Variants in PTPRD observed in about 807,000 individuals in gnomAD.
PTPRD encodes protein tyrosine phosphatase receptor type D, also known as receptor-type tyrosine-protein phosphatase delta.
Under a neutral mutation model 214.5 loss-of-function variants are expected in PTPRD, and 34 were observed. The ratio of observed to expected loss-of-function variants is 0.16; its 90% CI spans 0.12 to 0.21. PTPRD has a LOEUF of 0.21. Among genes scored for constraint, PTPRD ranks in the 10% least tolerant of loss-of-function variants. PTPRD has a pLI of 1.00. For synonymous variants in PTPRD, 1,128 were observed against 845.7 expected (o/e 1.33, Z -5.79); for missense variants, 2,545 against 2,398.7 (o/e 1.06, Z -1.27).
chr9:8,791,859 A>T (rs1267342049), intron 11 of PTPRD, among the ~76,000 whole-genome samples: 1 of 152,114 alleles, frequency 6.6e-6, no homozygotes, highest in Non-Finnish European at 1.5e-5. Context: ...AAAATGATCA[A>T]ATCAAAATGC....
chr9:8,972,865 A>C (rs528023595), intron 11 of PTPRD, among the ~76,000 whole-genome samples: 2 of 152,132 alleles, frequency 1.3e-5, no homozygotes, highest in South Asian at 4.1e-4. Flanking sequence ...ACAACATTCA[A>C]CTAGGAAACA....
At chr9:8,500,219 T>C (rs1174747366) in intron 24 of PTPRD, among the ~76,000 whole-genome samples, 1 of 151,964 alleles carries the variant, frequency 6.6e-6, no homozygotes, top group African/African-American at 2.4e-5. Flanking sequence ...TTGTGTGTTT[T>C]TTAAAGGTTT....
intron 5 of PTPRD, among the ~76,000 whole-genome samples, chr9:9,889,014 G>C (rs1457748739): frequency 6.6e-6 from 1 of 152,054 alleles, no homozygotes; most frequent in African/African-American, 2.4e-5. Flanking sequence ...AATAAGCTAG[G>C]TACAGAAAGA....
intron 33 of PTPRD, chr9:8,451,993 T>C (rs940680291): frequency 2.8e-6 from 1 of 351,478 alleles, no homozygotes; most frequent in Admixed American, 4.0e-5. Flanking sequence ...TCTAAAGTAA[T>C]TTAGCCCATT....
At chr9:9,997,759 G>A (rs1051787790) in intron 4 of PTPRD, among the ~76,000 whole-genome samples, 6 of 152,050 alleles carry the variant, frequency 3.9e-5, no homozygotes, top group African/African-American at 1.4e-4. Flanking sequence ...ATATGCTAAT[G>A]TGGGTGATTA....
At chr9:8,673,893 C>T (rs942008061) in intron 12 of PTPRD, among the ~76,000 whole-genome samples, 1 of 152,066 alleles carries the variant, frequency 6.6e-6, no homozygotes, top group East Asian at 1.9e-4. Context: ...TCAGCAGCAC[C>T]CCTGACACCC....
At chr9:8,974,775 A>G (rs2099258677) in intron 11 of PTPRD, among the ~76,000 whole-genome samples, 2 of 152,062 alleles carry the variant, frequency 1.3e-5, no homozygotes, top group Non-Finnish European at 2.9e-5. Context: ...TATACCACTA[A>G]TATACATTAA....
At chr9:8,529,766 G>A (rs1277981843) in intron 14 of PTPRD, among the ~76,000 whole-genome samples, 3 of 152,076 alleles carry the variant, frequency 2.0e-5, no homozygotes, top group Non-Finnish European at 4.4e-5. Context: ...ATCCAAATTA[G>A]AACATGGCCA....
At chr9:9,410,272 C>T (rs2074959450) in intron 8 of PTPRD, among the ~76,000 whole-genome samples, 1 of 152,144 alleles carries the variant, frequency 6.6e-6, no homozygotes, top group Non-Finnish European at 1.5e-5. Flanking sequence ...TGCTATAAAT[C>T]ACAGACAGAA....
chr9:8,959,836 G>A (rs190543909), intron 11 of PTPRD, among the ~76,000 whole-genome samples: 6 of 152,044 alleles, frequency 3.9e-5, no homozygotes, highest in African/African-American at 4.8e-5. Flanking sequence ...GCATGTAGAC[G>A]GAGTTGCTAA....
intron 25 of PTPRD, 24 bp downstream of exon 25, chr9:8,499,623 A>G (rs754159173): frequency 1.3e-6 from 2 of 1,595,050 alleles, no homozygotes; most frequent in South Asian, 2.3e-5. Flanking sequence ...ATAAAAACAG[A>G]GGTACATAAT....
chr9:8,494,912 G>A (rs529300361), intron 26 of PTPRD, among the ~76,000 whole-genome samples: 64 of 152,012 alleles, frequency 4.2e-4, no homozygotes, highest in Non-Finnish European at 7.9e-4. Context: ...TGATATTATG[G>A]CCATAATTCC....
At chr9:10,271,597 C>T (rs2475359) in intron 3 of PTPRD, among the ~76,000 whole-genome samples, 80,269 of 146,442 alleles carry the variant, frequency 0.55, 23,864 homozygotes, top group Non-Finnish European at 0.68. Context: ...GACCAGAGTG[C>T]GGTGGAATAA....
chr9:10,418,859 C>T (rs1038010253), intron 2 of PTPRD, among the ~76,000 whole-genome samples: 1 of 151,746 alleles, frequency 6.6e-6, no homozygotes, highest in African/African-American at 2.4e-5. Flanking sequence ...CTAAGCCCTC[C>T]TAGAAGTGAT....
At chr9:10,501,595 C>T (rs984662738) in intron 2 of PTPRD, among the ~76,000 whole-genome samples, 9 of 151,866 alleles carry the variant, frequency 5.9e-5, no homozygotes, top group Admixed American at 1.3e-4. Flanking sequence ...ATTAACAGTA[C>T]TAAAAGTTAC....
At chr9:8,584,223 A>G (rs7026040) in intron 14 of PTPRD, among the ~76,000 whole-genome samples, 13,966 of 152,194 alleles carry the variant, frequency 0.092, 1,723 homozygotes, top group African/African-American at 0.28. Flanking sequence ...GTACCTCCAT[A>G]GCAAATATAT....
chr9:8,603,119 G>T (rs1595014252), intron 14 of PTPRD, among the ~76,000 whole-genome samples: 1 of 152,164 alleles, frequency 6.6e-6, no homozygotes. Context: ...ATTCATGGAA[G>T]TATACTATAA....
chr9:8,797,718 A>G (rs57059901), intron 11 of PTPRD, among the ~76,000 whole-genome samples: 19,693 of 152,072 alleles, frequency 0.13, 1,486 homozygotes, highest in East Asian at 0.35. Context: ...TTATCCCACT[A>G]TGCTTTGTAT....
chr9:9,251,036 C>T (rs1488318468), intron 9 of PTPRD, among the ~76,000 whole-genome samples: 7 of 151,958 alleles, frequency 4.6e-5, no homozygotes, highest in South Asian at 2.1e-4. Context: ...TCACCATGTT[C>T]GCACACCTCT....
Sources: allele counts gnomAD v4.1 joint callset (sites outside exome capture counted in the v4.1 genomes callset), GRCh38; gene constraint gnomAD v4.1.1; transcripts MANE v1.5; gene names NCBI Gene and HGNC (gene_info 2026-07-23, HGNC 2026-07-21).